RSBN1L: variants seen among roughly 807,000 people sequenced by gnomAD.
RSBN1L encodes lysine-specific demethylase RSBN1L.
A neutral mutation model predicts 67.7 loss-of-function variants in RSBN1L; 30 were observed. The observed-to-expected ratio is 0.44, with a 90% CI of 0.33 to 0.60. The LOEUF is 0.60. RSBN1L is among the 20% of genes least tolerant of loss of function. The pLI, the probability that RSBN1L is intolerant of heterozygous loss-of-function variation, is 0.02. For missense variants in RSBN1L, 992 were observed against 1,031.7 expected (o/e 0.96, Z 0.53); for synonymous variants, 433 against 387.0 (o/e 1.12, Z -1.39).
rs1791974193 is a variant in RSBN1L at position 77,779,814 on chromosome 7, G to A, written c.*646G>A. 1 of 149,010 alleles carries A rather than the reference G, an allele frequency of 6.7e-6. No individual in the cohort carries two copies. Among genetic ancestry groups the A allele is most frequent in the Non-Finnish European group, 1.5e-5 (1 of 67,374 alleles). 9.2% of individuals were successfully genotyped at this position (149,010 alleles called of 1,614,324 possible). A position where few individuals can be genotyped will look rare whatever the true frequency, so the allele number is the denominator to read the frequency against. ...ATATTTAAGTTCCTCACACTGTGCA[G>A]GCTTTTTTTTTTTTTTCTTTTTTTC... On this transcript the variant is annotated 3_prime_UTR_variant, in exon 8 of 8. Transcript: ENST00000334955.
At chr7:77,774,304 C>T (rs998209070) in intron 6 of RSBN1L, among the ~76,000 whole-genome samples, 4 of 152,090 alleles carry the variant, frequency 2.6e-5, no homozygotes, top group African/African-American at 7.2e-5. Context: ...TGTAATTTTG[C>T]GGCCAGGTGT....
chr7:77,715,936 T>G, intron 1 of RSBN1L, among the ~76,000 whole-genome samples: 1 of 152,232 alleles, frequency 6.6e-6, no homozygotes, highest in East Asian at 1.9e-4. Flanking sequence ...GTGTCTGTTA[T>G]TGGGTTGTTT....
intron 6 of RSBN1L, among the ~76,000 whole-genome samples, chr7:77,776,614 A>T (rs1791917857): frequency 6.6e-6 from 1 of 152,232 alleles, no homozygotes. Context: ...AGGCAAGTAC[A>T]CATTTAGAAT....
intron 5 of RSBN1L, among the ~76,000 whole-genome samples, chr7:77,770,252 G>A (rs995597685): frequency 6.6e-6 from 1 of 152,116 alleles, no homozygotes; most frequent in Non-Finnish European, 1.5e-5. Flanking sequence ...GGACATGACT[G>A]TAATCCCAGC....
intron 1 of RSBN1L, among the ~76,000 whole-genome samples, chr7:77,734,821 A>C (rs746817771): frequency 6.6e-6 from 1 of 152,172 alleles, no homozygotes; most frequent in Non-Finnish European, 1.5e-5. Context: ...ACAGCAGCCT[A>C]TGACAGGATT....
Position 77,779,001 on chromosome 7 carries a change from C to A in RSBN1L, c.2374C>A (p.His792Asn), listed in dbSNP as rs1791957505. ...CAAGAATGTTAAAGCAAAATTGGAT[C>A]ATGTTCAATTTGCAGAATTTAAGAT... ...DGKNVKAKLDHVQFAEFKIDM... is the reference protein window; with the variant it reads ...DGKNVKAKLDNVQFAEFKIDM... The change falls in exon 8 of 8, where the codon CAT becomes AAT. Residue 792 changes from histidine (H) to asparagine (N), a missense_variant. His to Asn is a moderately conservative substitution (Grantham distance 68). Coordinates refer to ENST00000334955, the MANE Select transcript of RSBN1L (RefSeq NM_198467.3). 1 of 1,613,872 alleles carries A rather than the reference C, an allele frequency of 6.2e-7. No homozygotes were observed. The highest frequency in any genetic ancestry group is 1.1e-5 in the South Asian group (1 of 91,052).
At chr7:77,702,315 A>G (rs1790829408) in intron 1 of RSBN1L, among the ~76,000 whole-genome samples, 1 of 152,154 alleles carries the variant, frequency 6.6e-6, no homozygotes, top group African/African-American at 2.4e-5. Context: ...CCTTTGTTTC[A>G]GTATTATAGT....
rs558938842 is a variant in RSBN1L, at chr7:77,771,508, A to G, written c.1626-1639A>G. Among the ~76,000 whole-genome samples, 45 of 95,246 alleles carry G rather than the reference A, an allele frequency of 4.7e-4. 2 individuals are homozygous for G. In the South Asian group the frequency reaches 0.015, roughly 31 times the overall value. The allele number at this position is 95,246 out of a possible 152,430, so 62.5% of individuals were successfully genotyped here. A position where few individuals can be genotyped will look rare whatever the true frequency, so the allele number is the denominator to read the frequency against. On this transcript the variant is annotated intron_variant, in intron 5 of 7. Transcript: ENST00000334955. Reference sequence around the variant, plus strand: ...GGTAAAATTGATGTGTTCCTCAGCGACTCTTTTTTTTTTTTTTTTGAGATA... The same window carrying G: ...GGTAAAATTGATGTGTTCCTCAGCGGCTCTTTTTTTTTTTTTTTTGAGATA...
chr7:77,701,066 C>T lies in RSBN1L; in HGVS notation c.586+4011C>T, dbSNP rs541964272. Among the ~76,000 whole-genome samples the T allele has an allele frequency of 4.7e-5, 7 of 147,934 alleles. No homozygotes were observed. In the East Asian group the frequency reaches 8.1e-4, roughly 17 times the overall value. On this transcript the variant is annotated intron_variant, in intron 1 of 7. Coordinates refer to ENST00000334955, the MANE Select transcript of RSBN1L (RefSeq NM_198467.3). ...TCAGCTACCTGGGAGGCTGAGGCAT[C>T]GCTTGAACCCAGGAGGCGGAGGTTA...
intron 4 of RSBN1L, chr7:77,768,206 T>C (rs1260114925): frequency 6.5e-6 from 1 of 153,568 alleles, no homozygotes; most frequent in Non-Finnish European, 1.4e-5. Flanking sequence ...GCCAACAACC[T>C]CTTCAAGAAA....
intron 1 of RSBN1L, among the ~76,000 whole-genome samples, chr7:77,733,265 G>A (rs766474212): frequency 3.3e-5 from 5 of 152,214 alleles, no homozygotes; most frequent in Non-Finnish European, 5.9e-5. Flanking sequence ...TGTGGGTTAA[G>A]GACAGAAGTG....
Position 77,697,075 on chromosome 7 carries a change from G to A in RSBN1L, c.586+20G>A. ...CCCGAGGTGGGTGCCGTGCGGGGAG[G>A]GGGAGGGGAGGGCGCCGTGGGTCCC... On this transcript the variant is annotated intron_variant, in intron 1 of 7. Transcript: ENST00000334955. 5 of 1,378,750 alleles carry A rather than the reference G, an allele frequency of 3.6e-6. No individual in the cohort carries two copies. The South Asian group carries it at 8.2e-5, about 23-fold the overall frequency. The allele number at this position is 1,378,750 out of a possible 1,614,324, so 85.4% of individuals were successfully genotyped here.
intron 1 of RSBN1L, among the ~76,000 whole-genome samples, chr7:77,707,022 ATT>A (rs1034017450): frequency 1.3e-4 from 18 of 137,578 alleles, no homozygotes; most frequent in Admixed American, 1.5e-4. Flanking sequence ...ATTAAACTAG[ATT>A]TTTTTTTTTT....
intron 1 of RSBN1L, among the ~76,000 whole-genome samples, chr7:77,711,934 A>G (rs1272160880): frequency 1.3e-5 from 2 of 152,174 alleles, no homozygotes; most frequent in Non-Finnish European, 2.9e-5. Context: ...CCTACCACCC[A>G]TTTGTGATCT....
chr7:77,702,001 T>C (rs557700562), intron 1 of RSBN1L, among the ~76,000 whole-genome samples: 2 of 151,290 alleles, frequency 1.3e-5, no homozygotes, highest in Admixed American at 1.3e-4. Context: ...GACGGTCTTG[T>C]ACTGTCGCCC....
chr7:77,728,075 C>G (rs910353040), intron 1 of RSBN1L, among the ~76,000 whole-genome samples: 7 of 152,136 alleles, frequency 4.6e-5, no homozygotes, highest in African/African-American at 4.8e-5. Flanking sequence ...TCAGCCTGAA[C>G]TAGTTATCCG....
rs538403390 is a variant in RSBN1L at position 77,773,849 on chromosome 7, C to T, written c.1793+535C>T. On this transcript the variant is annotated intron_variant, in intron 6 of 7. Coordinates refer to ENST00000334955, the MANE Select transcript of RSBN1L (RefSeq NM_198467.3). ...ATAATTAATTTCATGTTCTAAGTGA[C>T]TAGATGTAAAAAAAATTAAAAGGAA... Among the ~76,000 whole-genome samples, 29 of 152,312 alleles carry T rather than the reference C, an allele frequency of 1.9e-4. 1 individual carries two copies. In the South Asian group the frequency reaches 3.7e-3, roughly 20 times the overall value.
In RSBN1L at chr7:77,697,027, G is replaced by C; in HGVS notation, c.558G>C (p.Glu186Asp). The change falls in exon 1 of 8, where the codon GAG becomes GAC. Residue 186 changes from glutamate (E) to aspartate (D), a missense_variant. Physicochemically the swap from Glu to Asp is conservative, Grantham distance 45. Coordinates refer to ENST00000334955, the MANE Select transcript of RSBN1L (RefSeq NM_198467.3). ...AGGCCGGCGGGGCCTCCCGGGAGGAGAACGGGGAGGTGAAGCCGCTGCCCC... is the reference window on the plus strand; with the variant it reads ...AGGCCGGCGGGGCCTCCCGGGAGGACAACGGGGAGGTGAAGCCGCTGCCCC... ...AREAGGASRE[E>D]NGEVKPLPRD... 6.6e-7 allele frequency: 1 copy of C among 1,517,422 alleles called. No homozygotes were observed. Among genetic ancestry groups the C allele is most frequent in the Non-Finnish European group, 8.8e-7 (1 of 1,137,038 alleles). The allele number at this position is 1,517,422 out of a possible 1,614,324, so 94.0% of individuals were successfully genotyped here.
chr7:77,696,986 C>T lies in RSBN1L; in HGVS notation c.517C>T (p.Leu173Phe), dbSNP rs563868137. 1.3e-6 allele frequency: 2 copies of T among 1,547,250 alleles called. No individual in the cohort carries two copies. Among genetic ancestry groups the T allele is most frequent in the East Asian group, 2.4e-5 (1 of 41,410 alleles). Residue 173 changes from leucine to phenylalanine, a missense_variant, in exon 1 of 8, where the codon CTC becomes TTC. Physicochemically the swap from Leu to Phe is conservative, Grantham distance 22 (BLOSUM62 0). Transcript: ENST00000334955. ...GGAGAAGGAGAGGAGGAGGCACGGT[C>T]TCGGTGGGGCCCGAGAGGCCGGCGG... Reference protein sequence around the residue: ...KREKERRRHGLGGAREAGGAS... With the variant: ...KREKERRRHGFGGAREAGGAS...
Sources: allele counts gnomAD v4.1 joint callset (sites outside exome capture counted in the v4.1 genomes callset), GRCh38; gene constraint gnomAD v4.1.1; transcripts MANE v1.5; gene names NCBI Gene and HGNC (gene_info 2026-07-23, HGNC 2026-07-21).